Variants in TRRAP observed in about 807,000 individuals in gnomAD.
TRRAP encodes transformation/transcription domain associated protein.
TRRAP carries 41 observed loss-of-function variants against 438.8 expected under a neutral mutation model. That is an observed-to-expected ratio of 0.09 (90% CI 0.07 to 0.12). The LOEUF (loss-of-function observed/expected upper bound fraction) is 0.12. Among genes scored for constraint, TRRAP ranks in the 10% least tolerant of loss-of-function variants. The probability of loss-of-function intolerance (pLI) is 1.00; values close to 1 mark genes in which losing one functional copy is unlikely to be tolerated. For synonymous variants in TRRAP, 1,994 were observed against 1,962.9 expected (o/e 1.02, Z -0.42); for missense variants, 3,122 against 5,055.1 (o/e 0.62, Z 11.60).
rs1202446623 is a variant in TRRAP at position 99,004,384 on chromosome 7, A to G, written c.10504A>G (p.Lys3502Glu). 1.2e-6 allele frequency: 2 copies of G among 1,614,122 alleles called. No homozygotes were observed. Among genetic ancestry groups the G allele is most frequent in the South Asian group, 1.1e-5 (1 of 91,048 alleles). Reference sequence around the variant, plus strand: ...AATTCCTGGGGAGTTTCTGATGCCAAAGCCAACGCATTATTACATCAAGAT... The same window carrying G: ...AATTCCTGGGGAGTTTCTGATGCCAGAGCCAACGCATTATTACATCAAGAT... ...VEIPGEFLMP[K>E]PTHYYIKIAR... Residue 3502 changes from lysine (K) to glutamate (E), a missense_variant, in exon 68 of 73, where the codon AAG becomes GAG. Physicochemically the swap from Lys to Glu is moderately conservative, Grantham distance 56 (BLOSUM62 1). Transcript: ENST00000456197.
At chr7:98,957,640 G>A (rs1013367664) in intron 43 of TRRAP, among the ~76,000 whole-genome samples, 2 of 152,150 alleles carry the variant, frequency 1.3e-5, no homozygotes, top group Non-Finnish European at 2.9e-5. Context: ...CACTCAGGAT[G>A]TGTCCCCTGG....
chr7:98,963,945 G>A (rs927061177), intron 47 of TRRAP, among the ~76,000 whole-genome samples: 1 of 152,074 alleles, frequency 6.6e-6, no homozygotes, highest in East Asian at 1.9e-4. Flanking sequence ...GCCGGGCGTG[G>A]TGGCAGGTGC....
At chr7:99,008,641 T>A (rs1357741601) in intron 70 of TRRAP, 80 bp downstream of exon 70, 18 of 1,490,396 alleles carry the variant, frequency 1.2e-5, no homozygotes, top group Non-Finnish European at 1.5e-5. Context: ...ACAGGGGTGT[T>A]TAGGAGATGA....
chr7:98,885,497 G>A (rs2040251883), intron 3 of TRRAP, among the ~76,000 whole-genome samples: 1 of 152,026 alleles, frequency 6.6e-6, no homozygotes, highest in South Asian at 2.1e-4. Flanking sequence ...TAGTGGGGTT[G>A]AATCAAATAC....
intron 67 of TRRAP, chr7:98,998,733 G>A (rs2116833170): frequency 5.3e-6 from 1 of 188,146 alleles, no homozygotes; most frequent in Non-Finnish European, 1.1e-5. Context: ...CACAGCATGG[G>A]CATCTCTTCG....
chr7:98,950,147 A>G lies in TRRAP; in HGVS notation c.5219A>G (p.Lys1740Arg), dbSNP rs782414261. The G allele has an allele frequency of 6.2e-7, 1 of 1,614,216 alleles. No homozygotes were observed. The highest frequency in any genetic ancestry group is 8.5e-7 in the Non-Finnish European group (1 of 1,180,034). Residue 1740 changes from lysine to arginine, a missense_variant, in exon 38 of 73, where the codon AAA (lysine) becomes AGA (arginine). Lys to Arg is a conservative substitution (Grantham distance 26, BLOSUM62 2). Around this residue, in one of 24 missense-constraint regions of TRRAP, gnomAD observed 272 missense variants for 348.5 expected, o/e 0.78. Transcript: ENST00000456197. ...GRFLCNMTFL[K>R]EYMEEEIPKN... ...TTTCTCTGCAACATGACATTCTTAA[A>G]AGAGTATATGGAGGAAGAGATTCCC...
At chr7:98,954,973 A>G in intron 40 of TRRAP, 125 bp from the exon 41 acceptor site, 1 of 927,616 alleles carries the variant, frequency 1.1e-6, no homozygotes. Flanking sequence ...TCCTAATAAG[A>G]AAGTCCTAAG....
intron 4 of TRRAP, among the ~76,000 whole-genome samples, chr7:98,891,275 G>A (rs1471807767): frequency 7.1e-6 from 1 of 141,798 alleles, no homozygotes; most frequent in Non-Finnish European, 1.5e-5. Context: ...GCAGTGGCAC[G>A]AACTCAGCTC....
chr7:98,922,689 G>T (rs138171956), intron 21 of TRRAP, among the ~76,000 whole-genome samples: 183 of 152,164 alleles, frequency 1.2e-3, no homozygotes, highest in African/African-American at 4.2e-3. Flanking sequence ...GGATATTATC[G>T]TAATGTTTGA....
At chr7:98,972,779 G>A (rs976676682) in intron 53 of TRRAP, among the ~76,000 whole-genome samples, 5 of 152,174 alleles carry the variant, frequency 3.3e-5, no homozygotes, top group East Asian at 1.9e-4. Context: ...ACTACTTTTC[G>A]CAAGTGATTT....
In TRRAP at chr7:98,948,145, G is replaced by A. The variant is rs1791171987; in HGVS notation, c.4549-76G>A. ...TTGCCAACATAGTTAGACTATAGTA[G>A]GGTCTGTAGTGACGTTGACCTCTGT... is the stretch of plus-strand genomic sequence containing the variant. On this transcript the variant is annotated intron_variant, in intron 33 of 72. Transcript: ENST00000456197. The surrounding 1 kb of genome is among the most constrained non-coding windows in gnomAD (Gnocchi z 4.9). 4 of 1,591,726 alleles carry A rather than the reference G, an allele frequency of 2.5e-6. No individual in the cohort carries two copies. The highest frequency in any genetic ancestry group is 1.3e-5 in the African/African-American group (1 of 74,784).
chr7:98,981,738 C>CA, intron 58 of TRRAP, 31 bp from the exon 59 acceptor site: 3 of 1,577,992 alleles, frequency 1.9e-6, no homozygotes, highest in Non-Finnish European at 8.6e-7. Context: ...GAAGGCCCCT[C>CA]ACGTCCTGTG....
chr7:98,886,992 C>T (rs1318657180), intron 3 of TRRAP, among the ~76,000 whole-genome samples: 1 of 152,192 alleles, frequency 6.6e-6, no homozygotes, highest in Non-Finnish European at 1.5e-5. Flanking sequence ...GCATTGAACT[C>T]CTGGGCTCAA....
Position 99,005,096 on chromosome 7 carries a change from G to T in TRRAP, c.10536-35G>T. On this transcript the variant is annotated intron_variant, in intron 68 of 72. Transcript: ENST00000456197. This position sits in a 1 kb window ranked among gnomAD's most constrained non-coding sequence, Gnocchi z 5.1. ...CAAGACAAGGACTGGTAGCAGAGATGCAGGGCATGTCCTCATGGCTTCTCG... is the reference window on the plus strand; with the variant it reads ...CAAGACAAGGACTGGTAGCAGAGATTCAGGGCATGTCCTCATGGCTTCTCG... The T allele has an allele frequency of 6.2e-7, 1 of 1,602,362 alleles. No individual in the cohort carries two copies. The highest frequency in any genetic ancestry group is 1.1e-5 in the South Asian group (1 of 90,802).
At chr7:98,967,990 A>T (rs1365353255) in intron 51 of TRRAP, among the ~76,000 whole-genome samples, 1 of 151,886 alleles carries the variant, frequency 6.6e-6, no homozygotes, top group African/African-American at 2.4e-5. Context: ...GTGCCCTAGA[A>T]AATAAAACTG....
intron 30 of TRRAP, among the ~76,000 whole-genome samples, chr7:98,938,305 C>A (rs963534777): frequency 6.6e-6 from 1 of 152,088 alleles, no homozygotes. Context: ...CATCACTGCA[C>A]CCCAGTCTGG....
chr7:98,897,681 G>GTTTTTTTT (rs10692667), intron 7 of TRRAP, 60 bp from the exon 8 acceptor site: 24 of 1,431,316 alleles, frequency 1.7e-5, no homozygotes, highest in Admixed American at 7.4e-5. Flanking sequence ...GTTTTGTTTT[G>GTTTTTTTT]TTTTTGAATG....
rs782130193 is a variant in TRRAP, at chr7:98,948,634, G to C, written c.4737G>C (p.Leu1579=). The part of the protein sequence containing the change: ...LTRHPSQTVE[L]FMMEATLNDP... The stretch of plus-strand genomic sequence containing the variant: ...GACATCCCTCGCAGACAGTGGAGCT[G>C]TTCATGATGGAAGCCACACTGAACG... The change falls in exon 35 of 73, where the codon CTG becomes CTC. Residue 1579 remains leucine, a synonymous_variant. Coordinates refer to ENST00000456197, the MANE Select transcript of TRRAP (RefSeq NM_001375524.1). This position sits in a 1 kb window ranked among gnomAD's most constrained non-coding sequence, Gnocchi z 4.9. 6.2e-7 allele frequency: 1 copy of C among 1,614,182 alleles called. No individual in the cohort carries two copies. The highest frequency in any genetic ancestry group is 1.7e-5 in the Admixed American group (1 of 60,016).
At chr7:99,007,840 T>C (rs577548781) in intron 69 of TRRAP, among the ~76,000 whole-genome samples, 85 of 147,558 alleles carry the variant, frequency 5.8e-4, no homozygotes, top group African/African-American at 2.2e-3. Flanking sequence ...TTTTTTTTTT[T>C]CTTTGAGATG....
Sources: allele counts gnomAD v4.1 joint callset (sites outside exome capture counted in the v4.1 genomes callset), GRCh38; gene constraint gnomAD v4.1.1; regional missense constraint gnomAD v4.1.1; non-coding constraint Gnocchi (gnomAD v3.1); transcripts MANE v1.5; gene names NCBI Gene and HGNC (gene_info 2026-07-23, HGNC 2026-07-21).